The following KIR2DL3 variants were observed in gnomAD, a reference collection of about 807,000 sequenced individuals.
The protein encoded by KIR2DL3 is killer cell immunoglobulin-like receptor 2DL3.
In KIR2DL3, 39 loss-of-function variants were observed where a neutral mutation model predicts 33.8. The ratio of observed to expected loss-of-function variants is 1.15; its 90% confidence interval spans 0.89 to 1.51. The LOEUF (loss-of-function observed/expected upper bound fraction) is 1.51. Among genes scored for constraint, KIR2DL3 ranks in the 40% most tolerant of loss-of-function variants. KIR2DL3 has a pLI of 0.00. For missense variants in KIR2DL3, 462 were observed against 426.2 expected (o/e 1.08, Z -0.74); for synonymous variants, 174 against 160.2 (o/e 1.09, Z -0.65).
At chr19:54,744,932 A>ATGTG (rs1366764054) in intron 4 of KIR2DL3, among the ~76,000 whole-genome samples, 32 of 23,488 alleles carry the variant, frequency 1.4e-3, no homozygotes, top group South Asian at 9.2e-3. Flanking sequence ...ATATATATAT[A>ATGTG]TATATATATA....
chr19:54,739,463 G>A, intron 1 of KIR2DL3, 44 bp from the exon 2 acceptor site: 1 of 1,613,506 alleles, frequency 6.2e-7, no homozygotes, highest in Non-Finnish European at 8.5e-7. Flanking sequence ...AGGGAGGCCT[G>A]GTTTGCCTGC....
At chr19:54,741,936 T>C in intron 2 of KIR2DL3, 44 bp from the exon 3 acceptor site, 2 of 1,513,060 alleles carry the variant, frequency 1.3e-6, no homozygotes, top group Non-Finnish European at 1.8e-6. Context: ...ATGGATGGGA[T>C]GATAAAGAGA....
At chr19:54,750,400 G>A (rs2073235636) in intron 5 of KIR2DL3, among the ~76,000 whole-genome samples, 2 of 142,376 alleles carry the variant, frequency 1.4e-5, no homozygotes, top group South Asian at 2.3e-4. Flanking sequence ...GGGTAGAACA[G>A]CAGCCTAACA....
Position 54,752,709 on chromosome 19 carries a change from C to A in KIR2DL3, c.*190C>A. ...CAAATCTGAACGTGCCTCTCCCTTGCTTACAAATGTCTAAGGTCCCCACTG... is the reference window on the plus strand; with the variant it reads ...CAAATCTGAACGTGCCTCTCCCTTGATTACAAATGTCTAAGGTCCCCACTG... On this transcript the variant is annotated 3_prime_UTR_variant, in exon 8 of 8. Transcript: ENST00000342376. 1.2e-6 allele frequency: 1 copy of A among 863,500 alleles called. No individual in the cohort carries two copies. The highest frequency in any genetic ancestry group is 1.8e-6 in the Non-Finnish European group (1 of 559,590). The allele number at this position is 863,500 out of a possible 1,614,324, so 53.5% of individuals were successfully genotyped here. A position where few individuals can be genotyped will look rare whatever the true frequency, so the allele number is the denominator to read the frequency against.
intron 2 of KIR2DL3, among the ~76,000 whole-genome samples, chr19:54,741,695 A>T (rs1331124934): frequency 6.6e-6 from 1 of 151,394 alleles, no homozygotes; most frequent in Non-Finnish European, 1.5e-5. Context: ...CCCCCACATA[A>T]ACAGCAGGAA....
intron 2 of KIR2DL3, among the ~76,000 whole-genome samples, chr19:54,741,214 A>C (rs2071027125): frequency 6.6e-6 from 1 of 151,330 alleles, no homozygotes; most frequent in Non-Finnish European, 1.5e-5. Flanking sequence ...TGGCAGGTGC[A>C]TGTAATCCTA....
chr19:54,741,413 G>C (rs1320192130), intron 2 of KIR2DL3, among the ~76,000 whole-genome samples: 1 of 151,922 alleles, frequency 6.6e-6, no homozygotes, highest in African/African-American at 2.4e-5. Flanking sequence ...AGGGTGGGAT[G>C]ATGATGCCAC....
rs139644093 is a variant in KIR2DL3 at position 54,752,453 on chromosome 19, T to C, written c.960T>C (p.Ser320=). 18 of 1,465,816 alleles carry C rather than the reference T, an allele frequency of 1.2e-5. 4 individuals carry two copies. Among genetic ancestry groups the C allele is most frequent in the Non-Finnish European group, 1.7e-5 (18 of 1,077,532 alleles). The allele number at this position is 1,465,816 out of a possible 1,614,324, so 90.8% of individuals were successfully genotyped here. ...CACAGAGAAAAATCACTCGCCCTTCTCAGAGGCCCAAGACACCCCCAACAG... is the reference window on the plus strand; with the variant it reads ...CACAGAGAAAAATCACTCGCCCTTCCCAGAGGCCCAAGACACCCCCAACAG... The part of the protein sequence containing the change: ...VFTQRKITRP[S]QRPKTPPTDI... Residue 320 remains serine, a synonymous_variant, in exon 8 of 8, where the codon TCT becomes TCC. Transcript: ENST00000342376.
intron 3 of KIR2DL3, among the ~76,000 whole-genome samples, chr19:54,742,685 G>A (rs2071403458): frequency 1.3e-5 from 2 of 150,582 alleles, no homozygotes; most frequent in Non-Finnish European, 3.0e-5. Context: ...GGGCCCTGTG[G>A]CCTCAGGCCT....
Position 54,742,224 on chromosome 19 carries a change from T to G in KIR2DL3, c.315T>G (p.Thr105=). ...CCTACAGATGCTACGGTTCTGTTAC[T>G]CACTCCCCCTATCAGTTGTCAGCTC... ...AGTYRCYGSV[T]HSPYQLSAPS... The change falls in exon 3 of 8, where the codon ACT becomes ACG. Residue 105 remains threonine, a synonymous_variant. Coordinates refer to ENST00000342376, the MANE Select transcript of KIR2DL3 (RefSeq NM_015868.3). 6.2e-7 allele frequency: 1 copy of G among 1,614,176 alleles called. No homozygotes were observed. Among genetic ancestry groups the G allele is most frequent in the Non-Finnish European group, 8.5e-7 (1 of 1,180,034 alleles).
intron 4 of KIR2DL3, among the ~76,000 whole-genome samples, chr19:54,745,187 A>G: frequency 6.6e-6 from 1 of 151,998 alleles, no homozygotes; most frequent in South Asian, 2.1e-4. Context: ...CTCTCTATCC[A>G]TTCATCCACT....
chr19:54,742,521 G>C (rs1381450991), intron 3 of KIR2DL3, among the ~76,000 whole-genome samples: 1 of 152,042 alleles, frequency 6.6e-6, no homozygotes, highest in East Asian at 1.9e-4. Flanking sequence ...AGTTAAAAGA[G>C]ACAGACAGAC....
At chr19:54,751,830 C>G in intron 6 of KIR2DL3, 77 bp downstream of exon 6, 7 of 1,203,288 alleles carry the variant, frequency 5.8e-6, no homozygotes, top group Non-Finnish European at 8.2e-6. Context: ...GGTGTGTGTT[C>G]CTCACAGACA....
chr19:54,745,672 G>A (rs1031793376), intron 4 of KIR2DL3, among the ~76,000 whole-genome samples: 1 of 151,566 alleles, frequency 6.6e-6, no homozygotes, highest in Non-Finnish European at 1.5e-5. Flanking sequence ...CCTCTTTTTA[G>A]TTCTTTAAAG....
intron 5 of KIR2DL3, among the ~76,000 whole-genome samples, chr19:54,749,140 G>A (rs192576502): frequency 2.0e-5 from 3 of 151,404 alleles, no homozygotes; most frequent in Admixed American, 2.0e-4. Context: ...CAAATGCTGG[G>A]AATGATGTGG....
Position 54,747,378 on chromosome 19 carries a change from C to A in KIR2DL3, c.708C>A (p.Ser236=), listed in dbSNP as rs200347365. Residue 236 remains serine (S), a synonymous_variant, in exon 5 of 8, where the codon TCC becomes TCA. Transcript: ENST00000342376. Reference sequence around the variant, plus strand: ...GGCCTTCACCCACTGAACCAAGCTCCGAAACCGGTGAGTACAGAACCCTCT... The same window carrying A: ...GGCCTTCACCCACTGAACCAAGCTCAGAAACCGGTGAGTACAGAACCCTCT... ...NSWPSPTEPS[S]ETGNPRHLHV... The A allele has an allele frequency of 4.6e-6, 7 of 1,516,132 alleles. No homozygotes were observed. The highest frequency in any genetic ancestry group is 6.3e-6 in the Non-Finnish European group (7 of 1,103,858). The allele number at this position is 1,516,132 out of a possible 1,614,324, so 93.9% of individuals were successfully genotyped here.
intron 5 of KIR2DL3, among the ~76,000 whole-genome samples, chr19:54,747,700 T>A (rs994549264): frequency 1.3e-4 from 20 of 152,268 alleles, no homozygotes; most frequent in African/African-American, 4.6e-4. Context: ...TCCTGGGGGC[T>A]TGAGAGAGGG....
intron 2 of KIR2DL3, among the ~76,000 whole-genome samples, chr19:54,740,093 G>C (rs1159603613): frequency 6.6e-6 from 1 of 151,778 alleles, no homozygotes; most frequent in Non-Finnish European, 1.5e-5. Flanking sequence ...TCTCAGCTGA[G>C]GCTTTTGTTG....
At chr19:54,748,708 G>A (rs62124362) in intron 5 of KIR2DL3, among the ~76,000 whole-genome samples, 9 of 123,618 alleles carry the variant, frequency 7.3e-5, no homozygotes, top group African/African-American at 9.0e-5. Context: ...TGCAACCTGC[G>A]TCTCCTGGAT....
Sources: gnomAD v4.1 joint callset for allele counts (sites outside exome capture counted in the v4.1 genomes callset) on GRCh38, gnomAD v4.1.1 for gene constraint, MANE v1.5 for transcripts, NCBI Gene and HGNC (gene_info 2026-07-23, HGNC 2026-07-21) for gene names.